CNTNAP2: variants seen among roughly 807,000 people sequenced by gnomAD.
CNTNAP2 encodes the protein contactin associated protein 2, also known as contactin-associated protein-like 2.
In CNTNAP2, 98 loss-of-function variants were observed where a neutral mutation model predicts 155.2. The observed-to-expected ratio is 0.63, with a 90% CI of 0.54 to 0.75. The LOEUF is 0.75. CNTNAP2 is among the 30% of genes least tolerant of loss of function. The pLI is 0.00. For missense variants in CNTNAP2, 1,727 were observed against 1,688.1 expected (o/e 1.02, Z -0.40); for synonymous variants, 651 against 631.2 (o/e 1.03, Z -0.47).
At chr7:148,041,952 A>T (rs1352287154) in intron 15 of CNTNAP2, among the ~76,000 whole-genome samples, 4 of 152,222 alleles carry the variant, frequency 2.6e-5, no homozygotes, top group African/African-American at 7.2e-5. Context: ...GCTGCAATCC[A>T]TCATTATTCA....
intron 13 of CNTNAP2, among the ~76,000 whole-genome samples, chr7:147,757,687 C>T (rs10085579): frequency 0.41 from 61,998 of 151,956 alleles, 15,223 homozygotes; most frequent in African/African-American, 0.69. Flanking sequence ...TGTTTCTAGA[C>T]ATACTCCATA....
At chr7:146,921,435 C>T (rs941598527) in intron 3 of CNTNAP2, among the ~76,000 whole-genome samples, 1 of 152,018 alleles carries the variant, frequency 6.6e-6, no homozygotes, top group Non-Finnish European at 1.5e-5. Context: ...AGGCAAGAGT[C>T]GTGTATTAGT....
intron 9 of CNTNAP2, among the ~76,000 whole-genome samples, chr7:147,358,938 A>T (rs1179299001): frequency 6.6e-6 from 1 of 152,134 alleles, no homozygotes; most frequent in East Asian, 1.9e-4. Context: ...CTGCAGACAT[A>T]CGGTTTTGGG....
chr7:146,646,060 A>C (rs1421633104), intron 1 of CNTNAP2, among the ~76,000 whole-genome samples: 1 of 152,198 alleles, frequency 6.6e-6, no homozygotes, highest in Non-Finnish European at 1.5e-5. Flanking sequence ...TCCAACATTA[A>C]ATTCACATTA....
intron 22 of CNTNAP2, among the ~76,000 whole-genome samples, chr7:148,402,438 G>T (rs1360621529): frequency 6.6e-6 from 1 of 152,046 alleles, no homozygotes; most frequent in East Asian, 1.9e-4. Context: ...TAGAGAAATC[G>T]CTCCCTCCCA....
At position 146,898,806 on chromosome 7, in the gene CNTNAP2, T is replaced by C. The variant is rs554562533; in HGVS notation, c.402+58902T>C. Among the ~76,000 whole-genome samples the C allele has an allele frequency of 7.3e-4, 111 of 152,164 alleles. 3 individuals carry two copies. The highest frequency in any genetic ancestry group is 3.4e-3 in the Middle Eastern group (1 of 292). ...ATGAAAAAAAAGACACTTTGACTCT[T>C]GCAGGTGTAGACCTTAAAAGGGGCC... On this transcript the variant is annotated intron_variant, in intron 3 of 23. Coordinates refer to ENST00000361727, the MANE Select transcript of CNTNAP2 (RefSeq NM_014141.6).
At chr7:146,892,505 CTCAAG>C (rs1440392437) in intron 3 of CNTNAP2, among the ~76,000 whole-genome samples, 4 of 152,264 alleles carry the variant, frequency 2.6e-5, no homozygotes, top group African/African-American at 7.2e-5. Flanking sequence ...TTATTTTTAT[CTCAAG>C]TCAAGAGATA....
intron 4 of CNTNAP2, among the ~76,000 whole-genome samples, chr7:147,101,673 G>A (rs369545886): frequency 1.4e-4 from 21 of 152,108 alleles, no homozygotes; most frequent in African/African-American, 4.6e-4. Context: ...GAGATGGAGT[G>A]GGAAGATGAT....
intron 11 of CNTNAP2, among the ~76,000 whole-genome samples, chr7:147,494,002 G>C (rs759490555): frequency 5.7e-4 from 87 of 152,252 alleles, no homozygotes; most frequent in Non-Finnish European, 1.0e-3. Flanking sequence ...TTGCTCAGCT[G>C]TATGTATTCT....
intron 1 of CNTNAP2, among the ~76,000 whole-genome samples, chr7:146,429,330 G>A (rs1389579666): frequency 1.3e-5 from 2 of 152,034 alleles, no homozygotes; most frequent in Non-Finnish European, 2.9e-5. Flanking sequence ...GGGCAGTATG[G>A]ACATTTTCAT....
At chr7:147,410,651 C>A (rs1281701561) in intron 10 of CNTNAP2, among the ~76,000 whole-genome samples, 3 of 152,132 alleles carry the variant, frequency 2.0e-5, no homozygotes, top group Non-Finnish European at 4.4e-5. Flanking sequence ...AGCCACTAGC[C>A]ATATGTGGCT....
chr7:148,304,036 C>T (rs1027995006), intron 21 of CNTNAP2, among the ~76,000 whole-genome samples: 1 of 152,200 alleles, frequency 6.6e-6, no homozygotes, highest in Non-Finnish European at 1.5e-5. Flanking sequence ...AATCTGCAAC[C>T]TCCCTCCCTC....
intron 1 of CNTNAP2, among the ~76,000 whole-genome samples, chr7:146,393,854 C>A (rs1244948202): frequency 6.6e-6 from 1 of 151,966 alleles, no homozygotes; most frequent in East Asian, 1.9e-4. Flanking sequence ...TTAAAAGAGG[C>A]ATAAGCTTAA....
intron 9 of CNTNAP2, among the ~76,000 whole-genome samples, chr7:147,338,960 T>G (rs745852031): frequency 5.9e-5 from 9 of 152,132 alleles, no homozygotes; most frequent in Non-Finnish European, 1.5e-5. Context: ...AATTAAAAAT[T>G]AATAAAATCA....
At chr7:146,352,969 T>C (rs1427311584) in intron 1 of CNTNAP2, among the ~76,000 whole-genome samples, 3 of 151,770 alleles carry the variant, frequency 2.0e-5, no homozygotes, top group African/African-American at 7.3e-5. Context: ...TTAGCCAGGA[T>C]GGTCTCGATC....
chr7:146,729,084 G>A (rs1318560539), intron 1 of CNTNAP2, among the ~76,000 whole-genome samples: 4 of 152,094 alleles, frequency 2.6e-5, no homozygotes, highest in East Asian at 1.9e-4. Flanking sequence ...TGATCCACGC[G>A]GAGCTCAGTT....
At chr7:148,268,892 A>C (rs1796723955) in intron 21 of CNTNAP2, among the ~76,000 whole-genome samples, 3 of 152,036 alleles carry the variant, frequency 2.0e-5, no homozygotes, top group Admixed American at 1.3e-4. Context: ...ATCAGACACC[A>C]AGGGAGCTCT....
At chr7:148,301,822 G>A (rs1051723818) in intron 21 of CNTNAP2, among the ~76,000 whole-genome samples, 5 of 152,178 alleles carry the variant, frequency 3.3e-5, no homozygotes, top group African/African-American at 7.2e-5. Context: ...AGGCTTCTGC[G>A]TCAAAGTGAA....
intron 8 of CNTNAP2, among the ~76,000 whole-genome samples, chr7:147,214,370 C>G (rs1295884358): frequency 6.6e-6 from 1 of 152,116 alleles, no homozygotes; most frequent in Non-Finnish European, 1.5e-5. Context: ...ATATAGGACA[C>G]TGGCTAAGTT....
Sources: allele counts gnomAD v4.1 joint callset (sites outside exome capture counted in the v4.1 genomes callset), GRCh38; gene constraint gnomAD v4.1.1; transcripts MANE v1.5; gene names NCBI Gene and HGNC (gene_info 2026-07-23, HGNC 2026-07-21).